CHD2: variants seen among roughly 807,000 people sequenced by gnomAD.
CHD2 encodes the protein ATP-dependent chromatin remodeler CHD2.
Under a neutral mutation model 243.9 loss-of-function variants are expected in CHD2, and 28 were observed. That is an observed-to-expected ratio of 0.11 (90% CI 0.09 to 0.16). The LOEUF is 0.16. CHD2 is among the 10% of genes least tolerant of loss of function. The pLI, the probability that CHD2 is intolerant of heterozygous loss-of-function variation, is 1.00. For missense variants in CHD2, 1,386 were observed against 2,209.8 expected (o/e 0.63, Z 7.47); for synonymous variants, 775 against 779.0 (o/e 0.99, Z 0.09).
chr15:92,925,637 A>T (rs1450251582), intron 3 of CHD2, among the ~76,000 whole-genome samples: 1 of 152,192 alleles, frequency 6.6e-6, no homozygotes. Flanking sequence ...GACAGGCTAG[A>T]GTAAAGCGCA....
At chr15:92,980,219 TTTC>T (rs1262077224) in intron 22 of CHD2, among the ~76,000 whole-genome samples, 2 of 93,064 alleles carry the variant, frequency 2.1e-5, no homozygotes, top group Non-Finnish European at 4.5e-5. Flanking sequence ...TAATTTTTTT[TTTC>T]TTTTTTTTTT....
At chr15:92,970,036 A>T (rs2053820865) in intron 17 of CHD2, among the ~76,000 whole-genome samples, 1 of 151,778 alleles carries the variant, frequency 6.6e-6, no homozygotes, top group African/African-American at 2.4e-5. Context: ...ACATAGATTT[A>T]TTTATTTCAT....
chr15:92,928,959 A>G, intron 4 of CHD2, 71 bp from the exon 5 acceptor site: 12 of 1,414,820 alleles, frequency 8.5e-6, no homozygotes, highest in Non-Finnish European at 1.2e-5. Context: ...CTGTTGATCC[A>G]GGAGATAGTG....
intron 16 of CHD2, among the ~76,000 whole-genome samples, chr15:92,961,623 G>A (rs1301044340): frequency 6.6e-6 from 1 of 151,754 alleles, no homozygotes; most frequent in African/African-American, 2.4e-5. Context: ...AGTTGTCCAG[G>A]TTGGTCTCGA....
Position 92,927,225 on chromosome 15 carries a change from TG to T in CHD2, c.295-17del. Reference sequence around the variant, plus strand: ...GGGGTCAAGAAAAAAGATTAATGCGTGGTCTCTTAATTTTACAGATGTGGGA... The same window carrying T: ...GGGGTCAAGAAAAAAGATTAATGCGTGTCTCTTAATTTTACAGATGTGGGA... On this transcript the variant is annotated intron_variant, in intron 3 of 38. Transcript: ENST00000394196. 1 of 1,560,712 alleles carries T rather than the reference TG, an allele frequency of 6.4e-7. No individual in the cohort carries two copies. The highest frequency in any genetic ancestry group is 8.8e-7 in the Non-Finnish European group (1 of 1,133,264).
Position 92,920,028 on chromosome 15 carries a change from A to G in CHD2, c.63-4293A>G, listed in dbSNP as rs2052924109. Among the ~76,000 whole-genome samples the G allele has an allele frequency of 2.6e-5, 4 of 152,174 alleles. 1 individual carries two copies. The South Asian group carries it at 8.3e-4, about 32-fold the overall frequency. On this transcript the variant is annotated intron_variant, in intron 2 of 38. Coordinates refer to ENST00000394196, the MANE Select transcript of CHD2 (RefSeq NM_001271.4). ...TGTTATTTTTGAAATTACACAAGTA[A>G]TCCATGGAACTCACAAGTATACTTC...
intron 21 of CHD2, 66 bp from the exon 22 acceptor site, chr15:92,979,066 CCTT>C: frequency 6.4e-7 from 1 of 1,570,780 alleles, no homozygotes; most frequent in Non-Finnish European, 8.6e-7. Context: ...CAGAGCTAAT[CCTT>C]CTCTCTTTTT....
chr15:92,945,756 G>T, intron 10 of CHD2, 65 bp from the exon 11 acceptor site: 21 of 1,007,728 alleles, frequency 2.1e-5, no homozygotes, highest in Non-Finnish European at 2.5e-5. Flanking sequence ...TTTATTCATA[G>T]AACCCAAAAT....
chr15:92,976,371 T>C (rs890752425), intron 20 of CHD2, among the ~76,000 whole-genome samples: 3 of 152,126 alleles, frequency 2.0e-5, no homozygotes, highest in Non-Finnish European at 4.4e-5. Flanking sequence ...TGGTAAAGAA[T>C]ACAAAGAAAA....
intron 26 of CHD2, among the ~76,000 whole-genome samples, chr15:92,988,662 T>C (rs2054076090): frequency 6.6e-6 from 1 of 152,184 alleles, no homozygotes; most frequent in Admixed American, 6.5e-5. Context: ...TCTTTTTTTC[T>C]GTTTCTCACG....
chr15:92,991,347 T>A (rs1422442411), intron 26 of CHD2, 129 bp from the exon 27 acceptor site: 1 of 544,846 alleles, frequency 1.8e-6, no homozygotes, highest in Non-Finnish European at 3.2e-6. Context: ...TTTTTGGTAG[T>A]GCAAGGATTG....
chr15:93,008,470 C>T (rs187621049), intron 34 of CHD2, among the ~76,000 whole-genome samples: 4 of 152,338 alleles, frequency 2.6e-5, no homozygotes, highest in East Asian at 1.9e-4. Flanking sequence ...GAAGACACCT[C>T]GCCGTTGGGG....
intron 36 of CHD2, among the ~76,000 whole-genome samples, chr15:93,013,096 C>A (rs1044083899): frequency 5.9e-5 from 9 of 152,202 alleles, no homozygotes; most frequent in African/African-American, 2.2e-4. Flanking sequence ...CTGCTGTGTT[C>A]TCAGCACATA....
At chr15:92,904,288 A>T in intron 2 of CHD2, 6 of 192,358 alleles carry the variant, frequency 3.1e-5, no homozygotes, top group South Asian at 1.7e-4. Context: ...CCGAGTTCAA[A>T]GGCCGGCCGG....
At position 92,985,637 on chromosome 15, in the gene CHD2, A is replaced by G. The variant is rs1343182559; in HGVS notation, c.3377A>G (p.Asp1126Gly). Residue 1126 changes from aspartate to glycine, a missense_variant, in exon 26 of 39, where the codon GAC (aspartate) becomes GGC (glycine). By Grantham distance (94) the Asp-to-Gly change is moderately conservative (BLOSUM62 -1). Coordinates refer to ENST00000394196, the MANE Select transcript of CHD2 (RefSeq NM_001271.4). ...RRGRPRSVRK[D>G]LVEGFTDAEI... Reference sequence around the variant, plus strand: ...GGGCGTCCGAGGAGTGTGCGGAAGGACCTCGTGGAGGGATTTACTGATGCA... The same window carrying G: ...GGGCGTCCGAGGAGTGTGCGGAAGGGCCTCGTGGAGGGATTTACTGATGCA... 4 of 1,613,114 alleles carry G rather than the reference A, an allele frequency of 2.5e-6. No homozygotes were observed. The African/African-American group carries it at 5.3e-5, about 22-fold the overall frequency.
At chr15:92,999,050 CT>C (rs2054219638) in intron 31 of CHD2, among the ~76,000 whole-genome samples, 2 of 139,836 alleles carry the variant, frequency 1.4e-5, no homozygotes, top group Non-Finnish European at 3.0e-5. Context: ...GGCCACTGCA[CT>C]CCGGCCTGGG....
intron 2 of CHD2, among the ~76,000 whole-genome samples, chr15:92,910,339 A>G (rs2052708501): frequency 6.6e-6 from 1 of 152,180 alleles, no homozygotes; most frequent in South Asian, 2.1e-4. Context: ...CACTAAATGA[A>G]TGATTACATA....
At chr15:92,999,083 C>CAAAAAA (rs55738843) in intron 31 of CHD2, among the ~76,000 whole-genome samples, 45 of 65,522 alleles carry the variant, frequency 6.9e-4, no homozygotes, top group South Asian at 4.2e-3. Flanking sequence ...GACTCCGTCT[C>CAAAAAA]AAAAAAAAAA....
In CHD2 at chr15:92,904,364, T is replaced by A. The variant is rs2052577843; in HGVS notation, c.62+3065T>A. On this transcript the variant is annotated intron_variant, in intron 2 of 38. Coordinates refer to ENST00000394196, the MANE Select transcript of CHD2 (RefSeq NM_001271.4). ...AACAGCAGGGTCAACGGCGGCGCCTTCGGCAGCCTCCGCCCCGTGACGTCA... is the reference window on the plus strand; with the variant it reads ...AACAGCAGGGTCAACGGCGGCGCCTACGGCAGCCTCCGCCCCGTGACGTCA... 8 of 851,772 alleles carry A rather than the reference T, an allele frequency of 9.4e-6. No individual in the cohort carries two copies. In the South Asian group the frequency reaches 2.1e-4, roughly 22 times the overall value. 52.8% of individuals were successfully genotyped at this position (851,772 alleles called of 1,614,324 possible).
Sources: allele counts gnomAD v4.1 joint callset (sites outside exome capture counted in the v4.1 genomes callset), GRCh38; gene constraint gnomAD v4.1.1; transcripts MANE v1.5; gene names NCBI Gene and HGNC (gene_info 2026-07-23, HGNC 2026-07-21).